GRAMD1B: variants seen among roughly 807,000 people sequenced by gnomAD.
GRAMD1B encodes GRAM domain containing 1B.
GRAMD1B carries 37 observed loss-of-function variants against 99.7 expected under a neutral mutation model. The ratio of observed to expected loss-of-function variants is 0.37; its 90% CI spans 0.29 to 0.49. The LOEUF is 0.49. Among genes scored for constraint, GRAMD1B ranks in the 20% least tolerant of loss-of-function variants. GRAMD1B has a pLI of 0.98. For synonymous variants in GRAMD1B, 427 were observed against 387.6 expected (o/e 1.10, Z -1.19); for missense variants, 888 against 1,009.2 (o/e 0.88, Z 1.63).
intron 1 of GRAMD1B, among the ~76,000 whole-genome samples, chr11:123,433,488 T>G (rs1949001127): frequency 6.6e-6 from 1 of 152,166 alleles, no homozygotes; most frequent in Non-Finnish European, 1.5e-5. Flanking sequence ...CCATATATAC[T>G]GAGGACAAAA....
At chr11:123,614,581 C>T (rs1467441633) in intron 16 of GRAMD1B, among the ~76,000 whole-genome samples, 164 bp from the exon 17 acceptor site, 1 of 152,198 alleles carries the variant, frequency 6.6e-6, no homozygotes, top group Non-Finnish European at 1.5e-5. Flanking sequence ...AGGATTTTAC[C>T]TTCTCCTCTT....
chr11:123,465,205 T>C (rs930841491), intron 1 of GRAMD1B, among the ~76,000 whole-genome samples: 31 of 151,612 alleles, frequency 2.0e-4, no homozygotes, highest in African/African-American at 6.3e-4. Flanking sequence ...TTTTCAGAGG[T>C]TGGTAGGGGA....
intron 1 of GRAMD1B, among the ~76,000 whole-genome samples, chr11:123,378,382 G>T (rs1591381867): frequency 6.6e-6 from 1 of 152,180 alleles, no homozygotes; most frequent in South Asian, 2.1e-4. Flanking sequence ...CAAATGGAAG[G>T]GTTGTGCTAG....
intron 2 of GRAMD1B, chr11:123,491,764 G>C: frequency 2.5e-6 from 1 of 397,710 alleles, no homozygotes; most frequent in Non-Finnish European, 4.4e-6. Flanking sequence ...GTAGCTGCAA[G>C]GGCAGCAAGT....
intron 1 of GRAMD1B, among the ~76,000 whole-genome samples, chr11:123,373,773 G>C (rs192524301): frequency 6.6e-6 from 1 of 152,290 alleles, no homozygotes; most frequent in African/African-American, 2.4e-5. Flanking sequence ...CCTAGAATAG[G>C]AGTTAATGAA....
chr11:123,401,165 T>C (rs558263174), intron 1 of GRAMD1B, among the ~76,000 whole-genome samples: 4 of 152,332 alleles, frequency 2.6e-5, no homozygotes, highest in South Asian at 4.1e-4. Flanking sequence ...CCCACTGTCA[T>C]GCAGATATGA....
intron 1 of GRAMD1B, among the ~76,000 whole-genome samples, chr11:123,398,812 C>A (rs1947557287): frequency 6.6e-6 from 1 of 152,110 alleles, no homozygotes; most frequent in Non-Finnish European, 1.5e-5. Flanking sequence ...ATGTATACAA[C>A]TCAATGAGTT....
Position 123,591,588 on chromosome 11 carries a change from C to A in GRAMD1B, c.685-2494C>A, listed in dbSNP as rs754701701. On this transcript the variant is annotated intron_variant, in intron 4 of 19. Transcript: ENST00000635736. The surrounding 1 kb of genome is among the most constrained non-coding windows in gnomAD (Gnocchi z 4.7). ...TCTGAGTCTCTGTGGTAGTTCTGCA[C>A]CCTTGTTATGCCACTTGGCTCTCCT... 73 of 391,098 alleles carry A rather than the reference C, an allele frequency of 1.9e-4. No homozygotes were observed. The highest frequency in any genetic ancestry group is 6.4e-4 in the Admixed American group (14 of 21,956). 24.2% of individuals were successfully genotyped at this position (391,098 alleles called of 1,614,324 possible).
At chr11:123,560,461 A>C in intron 2 of GRAMD1B, 1 of 1,199,540 alleles carries the variant, frequency 8.3e-7, no homozygotes, top group Non-Finnish European at 1.1e-6. Flanking sequence ...AAGCGCCCCC[A>C]GCTTCTGAGA....
Position 123,610,132 on chromosome 11 carries a change from A to G in GRAMD1B, c.1777-64A>G. On this transcript the variant is annotated intron_variant, in intron 13 of 19. Transcript: ENST00000635736. This position sits in a 1 kb window ranked among gnomAD's most constrained non-coding sequence, Gnocchi z 4.1. ...TGGGGTGGGCTTGGGGAGGCTGGAGAAGGTGCTTTTCCAAGCTTCTTGCTC... is the reference window on the plus strand; with the variant it reads ...TGGGGTGGGCTTGGGGAGGCTGGAGGAGGTGCTTTTCCAAGCTTCTTGCTC... The G allele has an allele frequency of 1.3e-6, 2 of 1,529,588 alleles. No individual in the cohort carries two copies. The highest frequency in any genetic ancestry group is 1.8e-6 in the Non-Finnish European group (2 of 1,109,722). The allele number at this position is 1,529,588 out of a possible 1,614,324, so 94.8% of individuals were successfully genotyped here. A position where few individuals can be genotyped will look rare whatever the true frequency, so the allele number is the denominator to read the frequency against.
intron 2 of GRAMD1B, among the ~76,000 whole-genome samples, chr11:123,491,061 A>G (rs578190704): frequency 5.1e-4 from 77 of 152,282 alleles, no homozygotes; most frequent in African/African-American, 1.7e-3. Context: ...GGCTGGGTGC[A>G]GTGGCTCACG....
At chr11:123,548,649 C>T (rs1000087713) in intron 2 of GRAMD1B, among the ~76,000 whole-genome samples, 2 of 151,770 alleles carry the variant, frequency 1.3e-5, no homozygotes, top group Non-Finnish European at 2.9e-5. Context: ...ACTTTGTCAC[C>T]CAGGTTGGAG....
intron 7 of GRAMD1B, chr11:123,598,238 AG>A (rs1235073639): frequency 1.4e-6 from 2 of 1,401,738 alleles, no homozygotes; most frequent in Admixed American, 1.7e-5. Context: ...TCACAGTTGT[AG>A]TTGATATTTA....
chr11:123,622,399 G>A (rs1449015635), intron 19 of GRAMD1B, 107 bp from the exon 20 acceptor site: 5 of 687,180 alleles, frequency 7.3e-6, no homozygotes, highest in Non-Finnish European at 1.1e-5. Context: ...CAGCCCCATG[G>A]CGTGGTTGGA....
chr11:123,488,920 G>A (rs1369126042), intron 2 of GRAMD1B, among the ~76,000 whole-genome samples: 1 of 151,532 alleles, frequency 6.6e-6, no homozygotes, highest in Non-Finnish European at 1.5e-5. Context: ...GGAGCTCAGG[G>A]AAAATAGTTA....
intron 1 of GRAMD1B, among the ~76,000 whole-genome samples, chr11:123,452,128 C>A (rs1343550777): frequency 3.3e-5 from 5 of 152,042 alleles, no homozygotes; most frequent in Non-Finnish European, 7.4e-5. Context: ...GCCACTGCAC[C>A]CAGTCCGACA....
chr11:123,431,205 C>T (rs944182421), intron 1 of GRAMD1B, 39 bp downstream of exon 1: 5 of 675,538 alleles, frequency 7.4e-6, no homozygotes, highest in South Asian at 4.8e-5. Flanking sequence ...CCTTCCCTCC[C>T]GTCCTCTCCA....
intron 1 of GRAMD1B, among the ~76,000 whole-genome samples, chr11:123,424,337 T>C (rs1591493665): frequency 6.6e-6 from 1 of 151,354 alleles, no homozygotes; most frequent in East Asian, 1.9e-4. Flanking sequence ...ATAAAATCTA[T>C]AATTCAACAC....
intron 1 of GRAMD1B, among the ~76,000 whole-genome samples, chr11:123,413,174 TCA>T (rs1272276614): frequency 1.3e-5 from 2 of 152,170 alleles, no homozygotes; most frequent in Non-Finnish European, 2.9e-5. Flanking sequence ...CTCGATTATA[TCA>T]CAGTCTGCCC....
Sources: allele counts gnomAD v4.1 joint callset (sites outside exome capture counted in the v4.1 genomes callset), GRCh38; gene constraint gnomAD v4.1.1; non-coding constraint Gnocchi (gnomAD v3.1); transcripts MANE v1.5; gene names NCBI Gene and HGNC (gene_info 2026-07-23, HGNC 2026-07-21).